The following GPC6 variants were observed in gnomAD, a reference collection of about 807,000 sequenced individuals.
GPC6 encodes glypican-6.
A neutral mutation model predicts 55.2 loss-of-function variants in GPC6; 14 were observed. That is an observed-to-expected ratio of 0.25 (90% CI 0.17 to 0.40). The LOEUF is 0.40. Among genes scored for constraint, GPC6 ranks in the 10% least tolerant of loss-of-function variants. GPC6 has a pLI of 1.00. For missense variants in GPC6, 641 were observed against 708.5 expected, an observed-to-expected ratio of 0.90 and a Z score of 1.08; for synonymous variants, 278 against 259.6, an observed-to-expected ratio of 1.07 and a Z score of -0.68.
intron 2 of GPC6, among the ~76,000 whole-genome samples, chr13:93,787,783 A>T (rs980367506): frequency 1.3e-5 from 2 of 150,856 alleles, no homozygotes; most frequent in African/African-American, 2.5e-5. Flanking sequence ...TATTTCTTCT[A>T]AATGTATATT....
At chr13:93,283,291 A>C (rs1056649026) in intron 1 of GPC6, among the ~76,000 whole-genome samples, 4 of 152,154 alleles carry the variant, frequency 2.6e-5, no homozygotes, top group Non-Finnish European at 5.9e-5. Flanking sequence ...TTTCTCATAG[A>C]AAAGAGCTAA....
At chr13:94,137,096 A>G (rs1388878119) in intron 4 of GPC6, among the ~76,000 whole-genome samples, 1 of 152,228 alleles carries the variant, frequency 6.6e-6, no homozygotes, top group East Asian at 1.9e-4. Context: ...TGTCTCAATT[A>G]TTTCTAGTTG....
At chr13:93,761,177 G>A (rs574642433) in intron 2 of GPC6, among the ~76,000 whole-genome samples, 1 of 152,206 alleles carries the variant, frequency 6.6e-6, no homozygotes, top group African/African-American at 2.4e-5. Context: ...AAGGCATGCT[G>A]TAGTAAAATT....
chr13:93,570,609 T>C (rs1399759132), intron 2 of GPC6, among the ~76,000 whole-genome samples: 2 of 152,146 alleles, frequency 1.3e-5, no homozygotes. Flanking sequence ...TCTGTTCTGC[T>C]CTGTGGAGTA....
At chr13:94,102,275 G>A (rs1184051920) in intron 4 of GPC6, among the ~76,000 whole-genome samples, 2 of 152,180 alleles carry the variant, frequency 1.3e-5, no homozygotes, top group Middle Eastern at 3.4e-3. Flanking sequence ...GTTTAGGTAG[G>A]AAGAATACAT....
intron 2 of GPC6, among the ~76,000 whole-genome samples, chr13:93,660,084 A>G (rs1451165446): frequency 6.6e-6 from 1 of 152,106 alleles, no homozygotes; most frequent in Non-Finnish European, 1.5e-5. Context: ...GAAATTTGAA[A>G]AAAATAATTT....
At chr13:93,808,914 C>T (rs1366227434) in intron 2 of GPC6, among the ~76,000 whole-genome samples, 2 of 152,108 alleles carry the variant, frequency 1.3e-5, no homozygotes, top group Non-Finnish European at 2.9e-5. Context: ...GCTAGGAAAC[C>T]TAGACGTAAG....
intron 2 of GPC6, among the ~76,000 whole-genome samples, chr13:93,681,343 T>C (rs1881839312): frequency 6.6e-6 from 1 of 152,214 alleles, no homozygotes; most frequent in South Asian, 2.1e-4. Flanking sequence ...ATTGTATTAC[T>C]TTTGATAATT....
chr13:93,364,710 T>C (rs1444933815), intron 1 of GPC6, among the ~76,000 whole-genome samples: 1 of 151,162 alleles, frequency 6.6e-6, no homozygotes, highest in Non-Finnish European at 1.5e-5. Flanking sequence ...CACACACATA[T>C]ATATACACAC....
chr13:93,808,809 C>A (rs979728523), intron 2 of GPC6, among the ~76,000 whole-genome samples: 1 of 151,994 alleles, frequency 6.6e-6, no homozygotes, highest in Non-Finnish European at 1.5e-5. Context: ...AGATCATGAC[C>A]CTTATTTTAA....
intron 4 of GPC6, among the ~76,000 whole-genome samples, chr13:94,120,113 A>C (rs1372425677): frequency 6.6e-6 from 1 of 151,870 alleles, no homozygotes; most frequent in Admixed American, 6.6e-5. Context: ...GCGTTTCTCA[A>C]GCTTGCAAAA....
chr13:93,375,400 G>A (rs1487393689), intron 1 of GPC6, among the ~76,000 whole-genome samples: 3 of 152,150 alleles, frequency 2.0e-5, no homozygotes, highest in African/African-American at 4.8e-5. Context: ...TTTAACCTCA[G>A]CTTTACTTCA....
At chr13:94,332,608 T>G (rs1440964773) in intron 6 of GPC6, among the ~76,000 whole-genome samples, 1 of 152,260 alleles carries the variant, frequency 6.6e-6, no homozygotes, top group African/African-American at 2.4e-5. Context: ...CTAATCTGCC[T>G]TCTGAGTAGA....
intron 1 of GPC6, among the ~76,000 whole-genome samples, chr13:93,324,579 CAT>C (rs1272955501): frequency 2.2e-5 from 2 of 91,862 alleles, no homozygotes; most frequent in African/African-American, 1.1e-4. Flanking sequence ...TATACACACA[CAT>C]ACATACATAT....
At chr13:94,151,974 G>T (rs502061) in intron 4 of GPC6, among the ~76,000 whole-genome samples, 130,216 of 151,948 alleles carry the variant, frequency 0.86, 56,030 homozygotes, top group East Asian at 0.98. Flanking sequence ...TTATTGACCC[G>T]CTTTTCCTCC....
At chr13:94,161,754 G>T (rs1888175247) in intron 4 of GPC6, among the ~76,000 whole-genome samples, 1 of 152,072 alleles carries the variant, frequency 6.6e-6, no homozygotes, top group Admixed American at 6.5e-5. Flanking sequence ...AACTCAAACT[G>T]GCTTTCATAA....
intron 1 of GPC6, among the ~76,000 whole-genome samples, chr13:93,377,252 A>G (rs1186018725): frequency 6.6e-6 from 1 of 152,210 alleles, no homozygotes; most frequent in Non-Finnish European, 1.5e-5. Context: ...TGATGTCCTA[A>G]GACCACATCC....
At chr13:94,207,179 G>A (rs1889930284) in intron 4 of GPC6, among the ~76,000 whole-genome samples, 1 of 152,074 alleles carries the variant, frequency 6.6e-6, no homozygotes, top group East Asian at 1.9e-4. Context: ...GAGCCCTGGT[G>A]CTTACCCATG....
chr13:94,279,624 G>C (rs1271106851), intron 4 of GPC6, among the ~76,000 whole-genome samples: 2 of 152,162 alleles, frequency 1.3e-5, no homozygotes, highest in African/African-American at 4.8e-5. Context: ...GTGTGTCCCA[G>C]AGATTCTCGT....
Sources: allele counts gnomAD v4.1 joint callset (sites outside exome capture counted in the v4.1 genomes callset), GRCh38; gene constraint gnomAD v4.1.1; transcripts MANE v1.5; gene names NCBI Gene and HGNC (gene_info 2026-07-23, HGNC 2026-07-21).